Variants in MKLN1 observed in about 807,000 individuals in gnomAD.
MKLN1 encodes the protein muskelin 1.
In MKLN1, 18 loss-of-function variants were observed where a neutral mutation model predicts 99.0. That is an observed-to-expected ratio of 0.18 (90% CI 0.13 to 0.27). The LOEUF (loss-of-function observed/expected upper bound fraction) is 0.27, where lower values mean the gene tolerates loss of function less well. Ranked by LOEUF, MKLN1 falls within the 10% of genes least tolerant of loss-of-function variation. MKLN1 has a pLI of 1.00. For missense variants in MKLN1, 621 were observed against 875.9 expected (o/e 0.71, Z 3.67); for synonymous variants, 288 against 293.2 (o/e 0.98, Z 0.18).
chr7:131,395,582 G>T (rs1794337605), intron 4 of MKLN1, among the ~76,000 whole-genome samples: 2 of 151,350 alleles, frequency 1.3e-5, no homozygotes, highest in Non-Finnish European at 2.9e-5. Flanking sequence ...CATTAGTTTG[G>T]TACCAAGGTG....
chr7:131,140,774 C>CTTTTTTTTT (rs35228515), intron 1 of MKLN1, among the ~76,000 whole-genome samples: 6 of 146,900 alleles, frequency 4.1e-5, no homozygotes, highest in Non-Finnish European at 6.0e-5. Flanking sequence ...ACACACCATC[C>CTTTTTTTTT]TTTTTTTTTT....
At position 131,294,508 on chromosome 7, in the gene MKLN1, C is replaced by T. The variant is rs142969912; in HGVS notation, c.-178-80916C>T. On this transcript the variant is annotated intron_variant, in intron 3 of 7. Transcript: ENST00000416992. Reference sequence around the variant, plus strand: ...GGGAAAGAACGAGTTTATTGCATCTCTACTGCCTGGCTCTTCATTAATCTA... The same window carrying T: ...GGGAAAGAACGAGTTTATTGCATCTTTACTGCCTGGCTCTTCATTAATCTA... 5.8e-3 allele frequency among the ~76,000 whole-genome samples: 883 copies of T among 152,320 alleles called. 2 individuals carry two copies. Among genetic ancestry groups the T allele is most frequent in the Non-Finnish European group, 8.5e-3 (576 of 68,028 alleles).
At chr7:131,382,263 G>A (rs1793872620) in intron 2 of MKLN1, among the ~76,000 whole-genome samples, 1 of 152,022 alleles carries the variant, frequency 6.6e-6, no homozygotes, top group African/African-American at 2.4e-5. Context: ...TATTTGGGAG[G>A]CTGAGGCACA....
intron 8 of MKLN1, among the ~76,000 whole-genome samples, chr7:131,421,628 C>A (rs1795195057): frequency 6.6e-6 from 1 of 152,090 alleles, no homozygotes; most frequent in Non-Finnish European, 1.5e-5. Flanking sequence ...ATTTATATAA[C>A]ATGCATTTGA....
intron 3 of MKLN1, among the ~76,000 whole-genome samples, chr7:131,252,201 G>GT (rs1267644406): frequency 6.6e-6 from 1 of 152,140 alleles, no homozygotes; most frequent in Non-Finnish European, 1.5e-5. Flanking sequence ...CAGATGCATG[G>GT]TGTCCACCAC....
intron 4 of MKLN1, among the ~76,000 whole-genome samples, chr7:131,394,124 A>G (rs1395766508): frequency 1.3e-5 from 2 of 152,044 alleles, no homozygotes; most frequent in East Asian, 3.8e-4. Flanking sequence ...AAACACTAAA[A>G]CAATAAAGAT....
At chr7:131,228,019 C>T (rs982134326) in intron 3 of MKLN1, among the ~76,000 whole-genome samples, 2 of 152,136 alleles carry the variant, frequency 1.3e-5, no homozygotes, top group Non-Finnish European at 2.9e-5. Context: ...AATAAATATC[C>T]AATCTTTGTT....
At chr7:131,220,335 T>C (rs918073925) in intron 3 of MKLN1, among the ~76,000 whole-genome samples, 1 of 152,150 alleles carries the variant, frequency 6.6e-6, no homozygotes, top group Non-Finnish European at 1.5e-5. Context: ...AAGCCCCCAT[T>C]TTTTTCTGTA....
At chr7:131,161,843 C>G (rs1796054236) in intron 2 of MKLN1, among the ~76,000 whole-genome samples, 1 of 151,758 alleles carries the variant, frequency 6.6e-6, no homozygotes, top group Non-Finnish European at 1.5e-5. Context: ...CTGGCCGTGA[C>G]ACAGGTATTC....
At chr7:131,146,319 G>A (rs1795814705) in intron 2 of MKLN1, among the ~76,000 whole-genome samples, 1 of 152,164 alleles carries the variant, frequency 6.6e-6, no homozygotes, top group Non-Finnish European at 1.5e-5. Context: ...TCCAGCTTGG[G>A]CATCAGAGCG....
chr7:131,342,568 C>G (rs1221234389), intron 1 of MKLN1, among the ~76,000 whole-genome samples: 1 of 152,180 alleles, frequency 6.6e-6, no homozygotes, highest in Non-Finnish European at 1.5e-5. Flanking sequence ...TTTCCTTACA[C>G]AAAAGAAGAC....
chr7:131,244,012 C>G (rs1797447056), intron 3 of MKLN1, among the ~76,000 whole-genome samples: 1 of 151,646 alleles, frequency 6.6e-6, no homozygotes, highest in African/African-American at 2.4e-5. Context: ...AACCCTGTCT[C>G]AAAAAAACAA....
intron 3 of MKLN1, among the ~76,000 whole-genome samples, chr7:131,287,885 C>G (rs927291201): frequency 6.6e-6 from 1 of 152,026 alleles, no homozygotes; most frequent in Non-Finnish European, 1.5e-5. Flanking sequence ...GGCTCTTCCC[C>G]CTTTGCTTCT....
At chr7:131,451,209 A>G (rs1796166961) in intron 12 of MKLN1, among the ~76,000 whole-genome samples, 1 of 152,188 alleles carries the variant, frequency 6.6e-6, no homozygotes, top group Non-Finnish European at 1.5e-5. Flanking sequence ...TCCATTATGT[A>G]GATGCTCTGT....
intron 17 of MKLN1, among the ~76,000 whole-genome samples, chr7:131,485,465 G>A (rs1252032156): frequency 1.3e-5 from 2 of 152,064 alleles, no homozygotes; most frequent in Non-Finnish European, 2.9e-5. Flanking sequence ...TGGATGCAGG[G>A]CTGTGGGAGA....
intron 8 of MKLN1, among the ~76,000 whole-genome samples, chr7:131,415,176 A>G (rs1043882038): frequency 2.6e-5 from 4 of 151,376 alleles, no homozygotes; most frequent in Non-Finnish European, 4.4e-5. Flanking sequence ...CTTTTTTTTA[A>G]GTTTCTAAAA....
intron 3 of MKLN1, among the ~76,000 whole-genome samples, chr7:131,297,118 C>T (rs1435588030): frequency 1.3e-5 from 2 of 152,002 alleles, no homozygotes; most frequent in Non-Finnish European, 2.9e-5. Context: ...TTTGGGAGGC[C>T]AAGGAGGGCA....
At chr7:131,202,314 A>C (rs1431311230) in intron 2 of MKLN1, among the ~76,000 whole-genome samples, 1 of 151,802 alleles carries the variant, frequency 6.6e-6, no homozygotes, top group Non-Finnish European at 1.5e-5. Context: ...CAGGGGTTTC[A>C]CCATGTTGGC....
At chr7:131,179,375 G>A (rs1395042611) in intron 2 of MKLN1, among the ~76,000 whole-genome samples, 1 of 152,062 alleles carries the variant, frequency 6.6e-6, no homozygotes, top group Non-Finnish European at 1.5e-5. Flanking sequence ...AAGGTCAGCT[G>A]TTATCCTAAA....
Sources: allele counts gnomAD v4.1 joint callset (sites outside exome capture counted in the v4.1 genomes callset), GRCh38; gene constraint gnomAD v4.1.1; transcripts MANE v1.5; gene names NCBI Gene and HGNC (gene_info 2026-07-23, HGNC 2026-07-21).